Variants in NOS1 observed in about 807,000 individuals in gnomAD.
NOS1 encodes the protein nitric oxide synthase 1, also known as NOS type I.
NOS1 carries 51 observed loss-of-function variants against 164.5 expected under a neutral mutation model. That is an observed-to-expected ratio of 0.31 (90% CI 0.25 to 0.39). The LOEUF (loss-of-function observed/expected upper bound fraction) is 0.39. Ranked by LOEUF, NOS1 falls within the 10% of genes least tolerant of loss-of-function variation. The pLI is 1.00. For synonymous variants in NOS1, 719 were observed against 745.8 expected (o/e 0.96, Z 0.59); for missense variants, 1,362 against 1,885.6 (o/e 0.72, Z 5.14).
rs754035678 is a variant in NOS1, at chr12:117,265,438, G to A, written c.2014C>T (p.Arg672Cys). 8.8e-6 allele frequency: 14 copies of A among 1,591,082 alleles called. No homozygotes were observed. Among genetic ancestry groups the A allele is most frequent in the South Asian group, 2.4e-5 (2 of 84,998 alleles). Residue 672 changes from arginine to cysteine, a missense_variant, in exon 12 of 29, where the codon CGC becomes TGC. This residue lies in a region of NOS1 where 737 missense variants were observed against 1,030.3 expected (regional missense o/e 0.72). Coordinates refer to ENST00000317775, the MANE Select transcript of NOS1 (RefSeq NM_000620.5). The part of the protein sequence containing the change: ...SFIKHMENEY[R>C]CRGGCPADWV... ...TCGGCAGGGCAGCCCCCCCGGCAGC[G>A]GTACTCATTCTCCATGTGCTTAATG...
intron 18 of NOS1, among the ~76,000 whole-genome samples, chr12:117,245,252 T>C (rs1194447134): frequency 6.6e-6 from 1 of 151,948 alleles, no homozygotes. Flanking sequence ...TAGGATGGAG[T>C]GGGTAAAACT....
Position 117,209,224 on chromosome 12 carries a change from GC to G in NOS1, c.*6084del. 1.0e-6 allele frequency: 1 copy of G among 984,994 alleles called. No homozygotes were observed. The allele number at this position is 984,994 out of a possible 1,614,324, so 61.0% of individuals were successfully genotyped here. On this transcript the variant is annotated 3_prime_UTR_variant, in exon 29 of 29. Coordinates refer to ENST00000317775, the MANE Select transcript of NOS1 (RefSeq NM_000620.5). ...CCCTGAAGTCCAAGAGAGGGGTGTTGCCCCCTGGGGACATTGGGCAATGTCT... is the reference window on the plus strand; with the variant it reads ...CCCTGAAGTCCAAGAGAGGGGTGTTGCCCCTGGGGACATTGGGCAATGTCT...
Position 117,212,934 on chromosome 12 carries a change from C to A in NOS1, c.*2375G>T, listed in dbSNP as rs9658573. 5.1e-3 allele frequency: 5,003 copies of A among 985,338 alleles called. 197 individuals are homozygous for A. The African/African-American group carries it at 0.082, about 16-fold the overall frequency. The allele number at this position is 985,338 out of a possible 1,614,324, so 61.0% of individuals were successfully genotyped here. A position where few individuals can be genotyped will look rare whatever the true frequency, so the allele number is the denominator to read the frequency against. ...TGCCTTCTAGCCTGGAGTTGTGAAG[C>A]AGCTTGTGTTGGGGATTGAAAGGTG... On this transcript the variant is annotated 3_prime_UTR_variant, in exon 29 of 29. Transcript: ENST00000317775.
chr12:117,272,477 C>T lies in NOS1; in HGVS notation c.1747G>A (p.Glu583Lys), dbSNP rs764997647. The T allele has an allele frequency of 4.3e-6, 7 of 1,614,174 alleles. No homozygotes were observed. The highest frequency in any genetic ancestry group is 3.3e-5 in the Admixed American group (2 of 60,014). The change falls in exon 10 of 29, where the codon GAG becomes AAG. Residue 583 changes from glutamate (E) to lysine (K), a missense_variant. Glu to Lys is a moderately conservative substitution (Grantham distance 56). Around this residue, in one of 4 missense-constraint regions of NOS1, gnomAD observed 134 missense variants for 267.3 expected, o/e 0.50. Coordinates refer to ENST00000317775, the MANE Select transcript of NOS1 (RefSeq NM_000620.5). The surrounding 1 kb of genome is among the most constrained non-coding windows in gnomAD (Gnocchi z 4.3). Reference sequence around the variant, plus strand: ...CCACTGAAGGGACAGGCGCTGAACTCCAGGCCGCCAATCTCTAGGAGCATG... The same window carrying T: ...CCACTGAAGGGACAGGCGCTGAACTTCAGGCCGCCAATCTCTAGGAGCATG... ...SNMLLEIGGL[E>K]FSACPFSGWY... is the part of the protein sequence containing the mutation.
intron 25 of NOS1, among the ~76,000 whole-genome samples, chr12:117,224,789 G>A (rs552545609): frequency 3.9e-5 from 6 of 152,336 alleles, no homozygotes; most frequent in East Asian, 1.9e-4. Context: ...CATCTTAACA[G>A]TCAAAGAAAT....
chr12:117,218,243 C>T, intron 27 of NOS1, 79 bp from the exon 28 acceptor site: 1 of 1,001,874 alleles, frequency 1.0e-6, no homozygotes, highest in Non-Finnish European at 1.6e-6. Flanking sequence ...TGCCTGACAC[C>T]TGGAATGGAA....
At chr12:117,268,819 G>A (rs1175558920) in intron 10 of NOS1, among the ~76,000 whole-genome samples, 6 of 145,292 alleles carry the variant, frequency 4.1e-5, no homozygotes, top group Non-Finnish European at 9.1e-5. Context: ...GGATGGTCTC[G>A]ATCTCCTGAC....
At chr12:117,357,661 A>G (rs1269578195) in intron 1 of NOS1, among the ~76,000 whole-genome samples, 2 of 152,186 alleles carry the variant, frequency 1.3e-5, no homozygotes, top group East Asian at 3.9e-4. Context: ...CTTGTTAAAA[A>G]TAGAGATATT....
At chr12:117,238,590 C>T (rs1473236784) in intron 20 of NOS1, among the ~76,000 whole-genome samples, 1 of 152,084 alleles carries the variant, frequency 6.6e-6, no homozygotes, top group Non-Finnish European at 1.5e-5. Flanking sequence ...AATTTTGGCT[C>T]ACTGCAACCT....
chr12:117,277,263 T>G (rs1379997062), intron 9 of NOS1, among the ~76,000 whole-genome samples: 1 of 151,866 alleles, frequency 6.6e-6, no homozygotes, highest in Non-Finnish European at 1.5e-5. Context: ...GATCATCAGA[T>G]CCTATAGAGT....
chr12:117,246,661 C>T (rs1870640911), intron 18 of NOS1, among the ~76,000 whole-genome samples: 1 of 152,180 alleles, frequency 6.6e-6, no homozygotes, highest in African/African-American at 2.4e-5. Flanking sequence ...CTAGCAACCA[C>T]TAACCTGCCT....
At chr12:117,320,076 G>A (rs1047550773) in intron 2 of NOS1, among the ~76,000 whole-genome samples, 1 of 152,236 alleles carries the variant, frequency 6.6e-6, no homozygotes, top group Admixed American at 6.5e-5. Context: ...GATGGCAACA[G>A]AGACAGCCAT....
intron 23 of NOS1, 82 bp from the exon 24 acceptor site, chr12:117,226,852 ACAGGCC>A: frequency 9.7e-7 from 1 of 1,034,224 alleles, no homozygotes; most frequent in Non-Finnish European, 1.5e-6. Context: ...CAAAATACCC[ACAGGCC>A]CAGTGCCAAG....
intron 3 of NOS1, among the ~76,000 whole-genome samples, chr12:117,311,264 C>A (rs1874417275): frequency 6.6e-6 from 1 of 151,860 alleles, no homozygotes; most frequent in African/African-American, 2.4e-5. Flanking sequence ...ACAAACAATA[C>A]CAAACCACAC....
rs1029330637 is a variant in NOS1 at position 117,356,965 on chromosome 12, C to G, written c.-421+4547G>C. On this transcript the variant is annotated intron_variant, in intron 1 of 28. Coordinates refer to ENST00000317775, the MANE Select transcript of NOS1 (RefSeq NM_000620.5). This position sits in a 1 kb window ranked among gnomAD's most constrained non-coding sequence, Gnocchi z 4.2. The stretch of plus-strand genomic sequence containing the variant: ...TTTGGTGAAATCAGTGGTAGTTAAA[C>G]TGGGTTTATTAGCTCTGTGATTACT... 4.6e-5 allele frequency among the ~76,000 whole-genome samples: 7 copies of G among 152,234 alleles called. No homozygotes were observed. The highest frequency in any genetic ancestry group is 2.1e-4 in the South Asian group (1 of 4,830).
In NOS1 at chr12:117,211,194, CT is replaced by C. The variant is rs1956521845; in HGVS notation, c.*4114del. The C allele has an allele frequency of 2.1e-6, 2 of 943,178 alleles. No individual in the cohort carries two copies. 58.4% of individuals were successfully genotyped at this position (943,178 alleles called of 1,614,324 possible). A position where few individuals can be genotyped will look rare whatever the true frequency, so the allele number is the denominator to read the frequency against. On this transcript the variant is annotated 3_prime_UTR_variant, in exon 29 of 29. Transcript: ENST00000317775. ...ACTGGTCTCCAACTCCTGACCTCAACTGATACACCCACCTCGGCCTCCCAAA... is the reference window on the plus strand; with the variant it reads ...ACTGGTCTCCAACTCCTGACCTCAACGATACACCCACCTCGGCCTCCCAAA...
chr12:117,303,675 A>C (rs1483592582), intron 3 of NOS1, among the ~76,000 whole-genome samples: 1 of 152,154 alleles, frequency 6.6e-6, no homozygotes, highest in East Asian at 1.9e-4. Flanking sequence ...TAGATGTTCC[A>C]TCCCCAAACA....
intron 2 of NOS1, among the ~76,000 whole-genome samples, chr12:117,329,846 G>T (rs2136073935): frequency 6.6e-6 from 1 of 152,244 alleles, no homozygotes; most frequent in Middle Eastern, 3.4e-3. Context: ...CTGCAATGAG[G>T]AGAAAGCTGA....
intron 23 of NOS1, 58 bp downstream of exon 23, chr12:117,227,373 C>T: frequency 6.4e-7 from 1 of 1,559,882 alleles, no homozygotes; most frequent in East Asian, 2.3e-5. Flanking sequence ...AGGGAACCCT[C>T]CAGAGGCCCC....
Sources: allele counts gnomAD v4.1 joint callset (sites outside exome capture counted in the v4.1 genomes callset), GRCh38; gene constraint gnomAD v4.1.1; regional missense constraint gnomAD v4.1.1; non-coding constraint Gnocchi (gnomAD v3.1); transcripts MANE v1.5; gene names NCBI Gene and HGNC (gene_info 2026-07-23, HGNC 2026-07-21).